The following GOLGA2 variants were observed in gnomAD, a reference collection of about 807,000 sequenced individuals.
The protein encoded by GOLGA2 is golgin A2.
In GOLGA2, 49 loss-of-function variants were observed where a neutral mutation model predicts 148.8. The observed-to-expected ratio is 0.33, with a 90% CI of 0.26 to 0.42. The LOEUF (loss-of-function observed/expected upper bound fraction) is 0.42. Ranked by LOEUF, GOLGA2 falls within the 10% of genes least tolerant of loss-of-function variation. The pLI is 1.00. For missense variants in GOLGA2, 1,178 were observed against 1,304.6 expected, an observed-to-expected ratio of 0.90 and a Z score of 1.49; for synonymous variants, 501 against 511.8, an observed-to-expected ratio of 0.98 and a Z score of 0.28.
At chr9:128,262,950 A>T (rs1830362144) in intron 13 of GOLGA2, 84 bp downstream of exon 13, 2 of 971,528 alleles carry the variant, frequency 2.1e-6, no homozygotes, top group Non-Finnish European at 3.3e-6. Flanking sequence ...CTACCTCATC[A>T]TGCTTACCTG....
In GOLGA2 at chr9:128,258,275, C is replaced by A. The variant is rs1448249660; in HGVS notation, c.2290-77G>T. The A allele has an allele frequency of 8.1e-7, 1 of 1,235,166 alleles. No individual in the cohort carries two copies. Among genetic ancestry groups the A allele is most frequent in the Middle Eastern group, 1.9e-4 (1 of 5,218 alleles). The allele number at this position is 1,235,166 out of a possible 1,614,324, so 76.5% of individuals were successfully genotyped here. A position where few individuals can be genotyped will look rare whatever the true frequency, so the allele number is the denominator to read the frequency against. Reference sequence around the variant, plus strand: ...GCAGGGAGGTAGAGAGCAGCCCTTCCCTTGGGGCCTCAGAGGGTGCACTTG... The same window carrying A: ...GCAGGGAGGTAGAGAGCAGCCCTTCACTTGGGGCCTCAGAGGGTGCACTTG... On this transcript the variant is annotated intron_variant, in intron 22 of 26. Transcript: ENST00000611957. The surrounding 1 kb of genome is among the most constrained non-coding windows in gnomAD (Gnocchi z 6.6).
rs1830622015 is a variant in GOLGA2, at chr9:128,266,848, T to A, written c.642+346A>T. On this transcript the variant is annotated intron_variant, in intron 8 of 26. Transcript: ENST00000611957. The surrounding 1 kb of genome is among the most constrained non-coding windows in gnomAD (Gnocchi z 4.2). ...GCAAGCCCAAGGAGGAGAGGTGGCT[T>A]GTCCCAAATCAAAGAGCAAATTAAG... The A allele has an allele frequency of 2.4e-6, 1 of 412,786 alleles. No individual in the cohort carries two copies. The highest frequency in any genetic ancestry group is 2.0e-5 in the African/African-American group (1 of 49,440). 25.6% of individuals were successfully genotyped at this position (412,786 alleles called of 1,614,324 possible).
At chr9:128,262,001 CA>C (rs1222314845) in intron 14 of GOLGA2, 1 of 490,834 alleles carries the variant, frequency 2.0e-6, no homozygotes, top group Non-Finnish European at 3.6e-6. Flanking sequence ...CTCAGGAGTT[CA>C]AGACCAACCT....
In GOLGA2 at chr9:128,266,348, G is replaced by T. The variant is rs753456929; in HGVS notation, c.643-23C>A. The stretch of plus-strand genomic sequence containing the variant: ...TTTCTGTGGGGAAGAGTCAAAGGAA[G>T]GTGACTGAGGGTGGCCCCCTCAACT... On this transcript the variant is annotated intron_variant, in intron 8 of 26. Transcript: ENST00000611957. This position sits in a 1 kb window ranked among gnomAD's most constrained non-coding sequence, Gnocchi z 4.2. 6.2e-7 allele frequency: 1 copy of T among 1,605,266 alleles called. No homozygotes were observed. The highest frequency in any genetic ancestry group is 1.7e-5 in the Admixed American group (1 of 60,000).
Position 128,276,001 on chromosome 9 carries a change from G to C in GOLGA2, c.-25C>G. On this transcript the variant is annotated 5_prime_UTR_variant, in exon 1 of 27. Coordinates refer to ENST00000611957, the MANE Select transcript of GOLGA2 (RefSeq NM_001366244.2). Reference sequence around the variant, plus strand: ...TCAGCGCGATCCCGGCAACCACTGCGGAAGTCAGTCAGCCACCGCGCAGCT... The same window carrying C: ...TCAGCGCGATCCCGGCAACCACTGCCGAAGTCAGTCAGCCACCGCGCAGCT... 1 of 1,595,710 alleles carries C rather than the reference G, an allele frequency of 6.3e-7. No individual in the cohort carries two copies. Among genetic ancestry groups the C allele is most frequent in the Non-Finnish European group, 8.6e-7 (1 of 1,168,192 alleles).
At position 128,257,008 on chromosome 9, in the gene GOLGA2, A is replaced by G. The variant is rs554074729; in HGVS notation, c.*59T>C. The G allele has an allele frequency of 3.0e-4, 377 of 1,255,648 alleles. No individual in the cohort carries two copies. In the African/African-American group the frequency reaches 3.9e-3, roughly 13 times the overall value. The allele number at this position is 1,255,648 out of a possible 1,614,324, so 77.8% of individuals were successfully genotyped here. ...TTGACTGAGAAGGGATGGTAGGGAT[A>G]TGGTGGGGGCAGGGTATCCAGCCCC... is the stretch of plus-strand genomic sequence containing the variant. On this transcript the variant is annotated 3_prime_UTR_variant, in exon 27 of 27. Transcript: ENST00000611957. The surrounding 1 kb of genome is among the most constrained non-coding windows in gnomAD (Gnocchi z 8.0).
intron 12 of GOLGA2, among the ~76,000 whole-genome samples, chr9:128,264,210 C>A (rs1046082455): frequency 2.0e-5 from 3 of 149,998 alleles, no homozygotes; most frequent in Non-Finnish European, 4.4e-5. Context: ...GGAGAGAGAG[C>A]GAATTTATGT....
chr9:128,264,533 TCTC>T (rs1830481561), intron 12 of GOLGA2, among the ~76,000 whole-genome samples: 1 of 152,048 alleles, frequency 6.6e-6, no homozygotes, highest in Non-Finnish European at 1.5e-5. Flanking sequence ...TTCAAGCAAT[TCTC>T]CTGCCTCAGC....
rs746053247 is a variant in GOLGA2 at position 128,260,724 on chromosome 9, C to T, written c.1499G>A (p.Arg500Gln). 5.6e-6 allele frequency: 9 copies of T among 1,613,360 alleles called. No individual in the cohort carries two copies. The highest frequency in any genetic ancestry group is 1.1e-5 in the South Asian group (1 of 91,068). ...TCCTGCCAGACCCTCCAGCTCCTTC[C>T]GCAGGTGCTCAGCCTCCGCTTGTAG... ...QQLQAEAEHL[R>Q]KELEGLAGQL... The change falls in exon 18 of 27, where the codon CGG becomes CAG. Residue 500 changes from arginine to glutamine, a missense_variant. By Grantham distance (43) the Arg-to-Gln change is conservative. Transcript: ENST00000611957. This position sits in a 1 kb window ranked among gnomAD's most constrained non-coding sequence, Gnocchi z 4.8.
rs547538440 is a variant in GOLGA2 at position 128,271,642 on chromosome 9, C to T, written c.288+1143G>A. On this transcript the variant is annotated intron_variant, in intron 3 of 26. Coordinates refer to ENST00000611957, the MANE Select transcript of GOLGA2 (RefSeq NM_001366244.2). This position sits in a 1 kb window ranked among gnomAD's most constrained non-coding sequence, Gnocchi z 4.4. Reference sequence around the variant, plus strand: ...CCCCATATGGATTAATGTTACCCACCTTTAATCTTCAAGCCAGCTTCAAAT... The same window carrying T: ...CCCCATATGGATTAATGTTACCCACTTTTAATCTTCAAGCCAGCTTCAAAT... Among the ~76,000 whole-genome samples the T allele has an allele frequency of 8.5e-5, 13 of 152,246 alleles. No homozygotes were observed. Among genetic ancestry groups the T allele is most frequent in the African/African-American group, 2.6e-4 (11 of 41,532 alleles).
At chr9:128,264,545 G>A (rs1213302487) in intron 12 of GOLGA2, among the ~76,000 whole-genome samples, 1 of 152,098 alleles carries the variant, frequency 6.6e-6, no homozygotes, top group Non-Finnish European at 1.5e-5. Flanking sequence ...TCCTGCCTCA[G>A]CCTCCCAAGT....
At position 128,260,309 on chromosome 9, in the gene GOLGA2, CCT is replaced by C. The variant is rs1830177391; in HGVS notation, c.1759-122_1759-121del. ...TGGAGGCAGGTTAGAAAAATCATCC[CCT>C]CTCCCCCACAGCCATCGGAGCAGGG... On this transcript the variant is annotated intron_variant, in intron 18 of 26. Transcript: ENST00000611957. This position sits in a 1 kb window ranked among gnomAD's most constrained non-coding sequence, Gnocchi z 4.8. 4 of 1,116,994 alleles carry C rather than the reference CCT, an allele frequency of 3.6e-6. No homozygotes were observed. In the Admixed American group the frequency reaches 5.2e-5, roughly 14 times the overall value. 69.2% of individuals were successfully genotyped at this position (1,116,994 alleles called of 1,614,324 possible). A position where few individuals can be genotyped will look rare whatever the true frequency, so the allele number is the denominator to read the frequency against.
chr9:128,259,376 G>T lies in GOLGA2; in HGVS notation c.1888C>A (p.Gln630Lys). The T allele has an allele frequency of 6.3e-7, 1 of 1,586,844 alleles. No homozygotes were observed. The highest frequency in any genetic ancestry group is 8.6e-7 in the Non-Finnish European group (1 of 1,166,070). ...TGCTGCTGCAGACTTTGAGCCTCTT[G>T]GCTCTTCAGCTCCACCTGTAGGAAG... ...ELKETVELKS[Q>K]EAQSLQQQRD... Residue 630 changes from glutamine to lysine, a missense_variant, in exon 20 of 27, where the codon CAA becomes AAA. By Grantham distance (53) the Gln-to-Lys change is moderately conservative. Around this residue, in one of 5 missense-constraint regions of GOLGA2, gnomAD observed 529 missense variants for 521.8 expected, o/e 1.01. Coordinates refer to ENST00000611957, the MANE Select transcript of GOLGA2 (RefSeq NM_001366244.2).
chr9:128,260,911 C>A lies in GOLGA2; in HGVS notation c.1421-109G>T. The A allele has an allele frequency of 1.3e-6, 1 of 774,644 alleles. No individual in the cohort carries two copies. The highest frequency in any genetic ancestry group is 2.7e-5 in the East Asian group (1 of 37,588). 48.0% of individuals were successfully genotyped at this position (774,644 alleles called of 1,614,324 possible). On this transcript the variant is annotated intron_variant, in intron 17 of 26. Coordinates refer to ENST00000611957, the MANE Select transcript of GOLGA2 (RefSeq NM_001366244.2). The surrounding 1 kb of genome is among the most constrained non-coding windows in gnomAD (Gnocchi z 4.8). ...AACTTGGCCTCCCTGCTGATGATTC[C>A]TCGCACCCGGATGTTAGCCAATCTT...
chr9:128,266,595 G>A lies in GOLGA2; in HGVS notation c.643-270C>T. The A allele has an allele frequency of 3.6e-6, 2 of 555,394 alleles. No homozygotes were observed. The highest frequency in any genetic ancestry group is 6.4e-6 in the Non-Finnish European group (2 of 313,542). 34.4% of individuals were successfully genotyped at this position (555,394 alleles called of 1,614,324 possible). A position where few individuals can be genotyped will look rare whatever the true frequency, so the allele number is the denominator to read the frequency against. On this transcript the variant is annotated intron_variant, in intron 8 of 26. Transcript: ENST00000611957. The surrounding 1 kb of genome is among the most constrained non-coding windows in gnomAD (Gnocchi z 4.2). The stretch of plus-strand genomic sequence containing the variant: ...ATAAACCTCTAGAGATGGAGTGTGA[G>A]AAAAGCCCACCCTCTGCCAGTTTGT...
chr9:128,261,113 C>G lies in GOLGA2; in HGVS notation c.1420+59G>C. Reference sequence around the variant, plus strand: ...ACCCAACTCCCTGGGGCATTCTAAACCACCCCCACAACCCTCTGACACCAT... The same window carrying G: ...ACCCAACTCCCTGGGGCATTCTAAAGCACCCCCACAACCCTCTGACACCAT... On this transcript the variant is annotated intron_variant, in intron 17 of 26. Coordinates refer to ENST00000611957, the MANE Select transcript of GOLGA2 (RefSeq NM_001366244.2). This position sits in a 1 kb window ranked among gnomAD's most constrained non-coding sequence, Gnocchi z 5.7. 1 of 1,188,168 alleles carries G rather than the reference C, an allele frequency of 8.4e-7. No homozygotes were observed. The highest frequency in any genetic ancestry group is 1.3e-6 in the Non-Finnish European group (1 of 792,322). 73.6% of individuals were successfully genotyped at this position (1,188,168 alleles called of 1,614,324 possible). A position where few individuals can be genotyped will look rare whatever the true frequency, so the allele number is the denominator to read the frequency against.
Position 128,258,886 on chromosome 9 carries a change from A to G in GOLGA2, c.2173+121T>C, listed in dbSNP as rs1830073936. ...TATTGATGCCGAACTTAGTGTGGAC[A>G]CCCAGTTGGCATAATGACCAGCTGT... is the stretch of plus-strand genomic sequence containing the variant. On this transcript the variant is annotated intron_variant, in intron 21 of 26. Transcript: ENST00000611957. The surrounding 1 kb of genome is among the most constrained non-coding windows in gnomAD (Gnocchi z 6.6). 3 of 753,956 alleles carry G rather than the reference A, an allele frequency of 4.0e-6. No individual in the cohort carries two copies. The highest frequency in any genetic ancestry group is 6.9e-6 in the Non-Finnish European group (3 of 437,738). The allele number at this position is 753,956 out of a possible 1,614,324, so 46.7% of individuals were successfully genotyped here. A position where few individuals can be genotyped will look rare whatever the true frequency, so the allele number is the denominator to read the frequency against.
chr9:128,275,981 G>C lies in GOLGA2; in HGVS notation c.-5C>G, dbSNP rs781640307. Reference sequence around the variant, plus strand: ...GAGGCGGGGTTGGGGCCACATCAGCGCGATCCCGGCAACCACTGCGGAAGT... The same window carrying C: ...GAGGCGGGGTTGGGGCCACATCAGCCCGATCCCGGCAACCACTGCGGAAGT... On this transcript the variant is annotated 5_prime_UTR_variant, in exon 1 of 27. Transcript: ENST00000611957. The C allele has an allele frequency of 1.9e-6, 3 of 1,599,074 alleles. No homozygotes were observed. The highest frequency in any genetic ancestry group is 1.7e-6 in the Non-Finnish European group (2 of 1,171,944).
At position 128,260,215 on chromosome 9, in the gene GOLGA2, C is replaced by T. The variant is rs1195807059; in HGVS notation, c.1759-26G>A. On this transcript the variant is annotated intron_variant, in intron 18 of 26. Transcript: ENST00000611957. This position sits in a 1 kb window ranked among gnomAD's most constrained non-coding sequence, Gnocchi z 4.8. ...CTGGACAGAGAGAAGCAATCAGCGG[C>T]CACCCACTGCAGCTGGAGACCCCAG... 6.5e-7 allele frequency: 1 copy of T among 1,528,316 alleles called. No individual in the cohort carries two copies. 94.7% of individuals were successfully genotyped at this position (1,528,316 alleles called of 1,614,324 possible). A position where few individuals can be genotyped will look rare whatever the true frequency, so the allele number is the denominator to read the frequency against.
Sources: allele counts gnomAD v4.1 joint callset (sites outside exome capture counted in the v4.1 genomes callset), GRCh38; gene constraint gnomAD v4.1.1; regional missense constraint gnomAD v4.1.1; non-coding constraint Gnocchi (gnomAD v3.1); transcripts MANE v1.5; gene names NCBI Gene and HGNC (gene_info 2026-07-23, HGNC 2026-07-21).